The following MTF2 variants were observed in gnomAD, a reference collection of about 807,000 sequenced individuals.
MTF2 encodes metal-response element-binding transcription factor 2.
In MTF2, 11 loss-of-function variants were observed where a neutral mutation model predicts 79.5. That is an observed-to-expected ratio of 0.14 (90% confidence interval 0.09 to 0.23). MTF2 has a LOEUF of 0.23. MTF2 is among the 10% of genes least tolerant of loss of function. The pLI is 1.00. For synonymous variants in MTF2, 208 were observed against 232.8 expected (o/e 0.89, Z 0.97); for missense variants, 486 against 711.2 (o/e 0.68, Z 3.60).
chr1:93,089,784 C>T (rs952867921), intron 1 of MTF2, among the ~76,000 whole-genome samples: 1 of 150,746 alleles, frequency 6.6e-6, no homozygotes, highest in Non-Finnish European at 1.5e-5. Flanking sequence ...CCAGGCTGGT[C>T]TTGAACTCCC....
chr1:93,120,607 T>A lies in MTF2; in HGVS notation c.856T>A (p.Phe286Ile). The change falls in exon 9 of 15, where the codon TTT becomes ATT. Residue 286 changes from phenylalanine to isoleucine, a missense_variant. Phe to Ile is a conservative substitution (Grantham distance 21, BLOSUM62 0). Coordinates refer to ENST00000370298, the MANE Select transcript of MTF2 (RefSeq NM_007358.4). ...AAGTGTTATTCATAAGAAGAAATACTTTGATTCTGAACTTGAGCTTATGAC... is the reference window on the plus strand; with the variant it reads ...AAGTGTTATTCATAAGAAGAAATACATTGATTCTGAACTTGAGCTTATGAC... Reference protein sequence around the residue: ...NLSVIHKKKYFDSELELMTYI... With the variant: ...NLSVIHKKKYIDSELELMTYI... 6.2e-7 allele frequency: 1 copy of A among 1,609,534 alleles called. No homozygotes were observed. Among genetic ancestry groups the A allele is most frequent in the East Asian group, 2.2e-5 (1 of 44,522 alleles).
At chr1:93,136,168 C>T (rs1647385029) in intron 14 of MTF2, among the ~76,000 whole-genome samples, 1 of 152,140 alleles carries the variant, frequency 6.6e-6, no homozygotes, top group African/African-American at 2.4e-5. Flanking sequence ...ACTCTGACTG[C>T]TAGTTTGTGC....
At chr1:93,086,612 C>T (rs753994655) in intron 1 of MTF2, among the ~76,000 whole-genome samples, 6 of 151,934 alleles carry the variant, frequency 3.9e-5, no homozygotes, top group Non-Finnish European at 7.4e-5. Context: ...TAGGCAGCCC[C>T]GGGTGAATCT....
At chr1:93,120,506 C>T in intron 8 of MTF2, 43 bp from the exon 9 acceptor site, 3 of 1,514,652 alleles carry the variant, frequency 2.0e-6, no homozygotes, top group Middle Eastern at 2.3e-4. Context: ...TTAACAGTAA[C>T]CAAAAACATT....
In MTF2 at chr1:93,133,786, A is replaced by G; in HGVS notation, c.1244A>G (p.Gln415Arg). The G allele has an allele frequency of 6.2e-7, 1 of 1,610,622 alleles. No homozygotes were observed. Among genetic ancestry groups the G allele is most frequent in the Non-Finnish European group, 8.5e-7 (1 of 1,178,022 alleles). Residue 415 changes from glutamine (Q) to arginine (R), a missense_variant, in exon 12 of 15, where the codon CAA (glutamine) becomes CGA (arginine). This residue lies in a region of MTF2 where 209 missense variants were observed against 206.5 expected (regional missense o/e 1.01). Transcript: ENST00000370298. ...PPGPYTRKMI[Q>R]KTAEPLLDKE... is the part of the protein sequence containing the mutation. ...GGCCCATATACAAGAAAAATGATTC[A>G]AAAAACTGCTGAGCCACTTTTGGTA... is the stretch of plus-strand genomic sequence containing the variant.
intron 9 of MTF2, among the ~76,000 whole-genome samples, chr1:93,124,892 A>G (rs947053334): frequency 7.9e-5 from 12 of 152,060 alleles, no homozygotes; most frequent in Non-Finnish European, 1.3e-4. Flanking sequence ...AAGGTGTAGA[A>G]TATGATGCTC....
At chr1:93,123,040 C>T (rs1000616669) in intron 9 of MTF2, among the ~76,000 whole-genome samples, 4 of 151,874 alleles carry the variant, frequency 2.6e-5, no homozygotes, top group African/African-American at 9.7e-5. Context: ...TGTCACTAAT[C>T]CAAATTTAGG....
chr1:93,097,278 A>G (rs1189740350), intron 1 of MTF2, among the ~76,000 whole-genome samples: 2 of 152,184 alleles, frequency 1.3e-5, no homozygotes, highest in Non-Finnish European at 2.9e-5. Context: ...TATTTTGCCT[A>G]GCAGACATCC....
chr1:93,107,449 C>A (rs1241777612), intron 1 of MTF2, among the ~76,000 whole-genome samples: 1 of 152,186 alleles, frequency 6.6e-6, no homozygotes, highest in Non-Finnish European at 1.5e-5. Context: ...TTGTCTTGAA[C>A]TCCTGGCCTC....
intron 6 of MTF2, 140 bp downstream of exon 6, chr1:93,115,758 T>C: frequency 1.7e-6 from 1 of 572,760 alleles, no homozygotes. Context: ...AAATCTATTA[T>C]TTTCATAAAA....
intron 14 of MTF2, among the ~76,000 whole-genome samples, chr1:93,135,223 C>T (rs904908007): frequency 2.6e-5 from 4 of 152,112 alleles, no homozygotes; most frequent in Non-Finnish European, 5.9e-5. Context: ...CCACCTGCCT[C>T]GGCCTCCCAA....
At chr1:93,105,249 G>A (rs1655723826) in intron 1 of MTF2, among the ~76,000 whole-genome samples, 1 of 152,114 alleles carries the variant, frequency 6.6e-6, no homozygotes, top group Non-Finnish European at 1.5e-5. Context: ...TATAGGAGTG[G>A]AGACATTAAG....
chr1:93,097,408 C>T (rs1169450728), intron 1 of MTF2, among the ~76,000 whole-genome samples: 4 of 152,152 alleles, frequency 2.6e-5, no homozygotes, highest in Admixed American at 1.3e-4. Context: ...CTCCTTTGCT[C>T]TCAATACCAC....
chr1:93,127,087 CAGTG>C (rs776840030), intron 9 of MTF2, 141 bp from the exon 10 acceptor site: 13 of 599,958 alleles, frequency 2.2e-5, no homozygotes, highest in Non-Finnish European at 3.6e-5. Context: ...ACATAATAGT[CAGTG>C]AGGACTTGGA....
chr1:93,087,447 CTG>C (rs1251553508), intron 1 of MTF2, among the ~76,000 whole-genome samples: 1 of 152,040 alleles, frequency 6.6e-6, no homozygotes, highest in African/African-American at 2.4e-5. Flanking sequence ...TGGCACGCAC[CTG>C]TAATCCCAGC....
Position 93,118,564 on chromosome 1 carries a change from G to GA in MTF2, c.728+128dup, listed in dbSNP as rs897984275. The GA allele has an allele frequency of 1.2e-5, 7 of 569,378 alleles. No homozygotes were observed. The African/African-American group carries it at 1.4e-4, about 11-fold the overall frequency. 35.3% of individuals were successfully genotyped at this position (569,378 alleles called of 1,614,324 possible). Reference sequence around the variant, plus strand: ...ATTTGGAAAGGGGTTGTCTCAGAGGGAAAATATTAAATAATATACTTAAAA... The same window carrying GA: ...ATTTGGAAAGGGGTTGTCTCAGAGGGAAAAATATTAAATAATATACTTAAAA... On this transcript the variant is annotated intron_variant, in intron 7 of 14. Transcript: ENST00000370298.
chr1:93,131,926 A>G (rs1263157661), intron 11 of MTF2, among the ~76,000 whole-genome samples: 1 of 152,210 alleles, frequency 6.6e-6, no homozygotes, highest in Non-Finnish European at 1.5e-5. Flanking sequence ...AAATTGACCG[A>G]AGTTCTTGCC....
chr1:93,106,298 A>G (rs1417037952), intron 1 of MTF2, among the ~76,000 whole-genome samples: 3 of 152,208 alleles, frequency 2.0e-5, no homozygotes, highest in Admixed American at 6.5e-5. Flanking sequence ...AGAAGGGGAT[A>G]ATTTATTGAA....
At chr1:93,118,535 A>C in intron 7 of MTF2, 95 bp downstream of exon 7, 1 of 796,956 alleles carries the variant, frequency 1.3e-6, no homozygotes, top group Non-Finnish European at 1.9e-6. Context: ...TAGTTTCAAC[A>C]GTGATTTGGA....
Sources: allele counts gnomAD v4.1 joint callset (sites outside exome capture counted in the v4.1 genomes callset), GRCh38; gene constraint gnomAD v4.1.1; regional missense constraint gnomAD v4.1.1; transcripts MANE v1.5; gene names NCBI Gene and HGNC (gene_info 2026-07-23, HGNC 2026-07-21).